Variants in NRF1 observed in about 807,000 individuals in gnomAD.
The protein encoded by NRF1 is alpha palindromic-binding protein.
In NRF1, 5 loss-of-function variants were observed where a neutral mutation model predicts 58.5. The observed-to-expected ratio is 0.09, with a 90% CI of 0.04 to 0.18. The LOEUF is 0.18. NRF1 is among the 10% of genes least tolerant of loss of function. The probability of loss-of-function intolerance (pLI) is 1.00; values close to 1 mark genes in which losing one functional copy is unlikely to be tolerated. For missense variants in NRF1, 288 were observed against 657.7 expected, an observed-to-expected ratio of 0.44 and a Z score of 6.15; for synonymous variants, 224 against 246.7, an observed-to-expected ratio of 0.91 and a Z score of 0.86.
intron 1 of NRF1, among the ~76,000 whole-genome samples, chr7:129,630,753 T>C (rs1801029974): frequency 6.6e-6 from 1 of 152,194 alleles, no homozygotes; most frequent in African/African-American, 2.4e-5. Flanking sequence ...ATTGTCAGAT[T>C]ATTTTGTCCT....
chr7:129,650,908 A>C (rs1801519227), intron 1 of NRF1, among the ~76,000 whole-genome samples: 1 of 152,188 alleles, frequency 6.6e-6, no homozygotes, highest in African/African-American at 2.4e-5. Context: ...CTCCTCATGG[A>C]GGAAAGCTAA....
chr7:129,644,298 A>G (rs11767333), intron 1 of NRF1, among the ~76,000 whole-genome samples: 1 of 152,236 alleles, frequency 6.6e-6, no homozygotes, highest in Non-Finnish European at 1.5e-5. Context: ...TATAATGAGT[A>G]AAAAGACAGC....
At chr7:129,704,270 C>A (rs1802900362) in intron 5 of NRF1, among the ~76,000 whole-genome samples, 1 of 152,030 alleles carries the variant, frequency 6.6e-6, no homozygotes, top group African/African-American at 2.4e-5. Flanking sequence ...TCATCCTCAA[C>A]CTTGTTTCAG....
intron 3 of NRF1, among the ~76,000 whole-genome samples, chr7:129,677,405 A>G (rs1802207397): frequency 6.6e-6 from 1 of 152,176 alleles, no homozygotes. Context: ...TGTCATGGCT[A>G]TGTCCCAAAG....
intron 1 of NRF1, among the ~76,000 whole-genome samples, chr7:129,612,980 A>G (rs1458085009): frequency 6.6e-6 from 1 of 152,262 alleles, no homozygotes; most frequent in Non-Finnish European, 1.5e-5. Context: ...GCATTAGATT[A>G]GAATATATTA....
chr7:129,680,786 G>C lies in NRF1; in HGVS notation c.465+3028G>C, dbSNP rs531839131. ...AGAGAGAGTGGATTAGTGGTTGCCA[G>C]AGACTGGGGAAGGGGAAGAGAGTGA... is the stretch of plus-strand genomic sequence containing the variant. On this transcript the variant is annotated intron_variant, in intron 4 of 10. Coordinates refer to ENST00000393232, the MANE Select transcript of NRF1 (RefSeq NM_005011.5). 1.8e-4 allele frequency among the ~76,000 whole-genome samples: 28 copies of C among 152,356 alleles called. 1 individual carries two copies. In the South Asian group the frequency reaches 5.8e-3, roughly 32 times the overall value.
intron 1 of NRF1, among the ~76,000 whole-genome samples, chr7:129,614,699 G>A (rs1800625768): frequency 6.6e-6 from 1 of 152,098 alleles, no homozygotes; most frequent in Admixed American, 6.5e-5. Flanking sequence ...GAGGGCCCTT[G>A]TCCAGATATA....
chr7:129,717,725 C>G (rs568739212), intron 9 of NRF1, among the ~76,000 whole-genome samples: 1 of 152,300 alleles, frequency 6.6e-6, no homozygotes, highest in East Asian at 1.9e-4. Flanking sequence ...CCACCCAGCC[C>G]CAACAACCAG....
At chr7:129,622,027 C>T (rs932437279) in intron 1 of NRF1, among the ~76,000 whole-genome samples, 4 of 151,904 alleles carry the variant, frequency 2.6e-5, no homozygotes, top group South Asian at 2.1e-4. Context: ...GTAATCTGCC[C>T]GCCTCGGCCT....
At chr7:129,691,364 A>ATTATTTT (rs368047646) in intron 5 of NRF1, among the ~76,000 whole-genome samples, 3 of 134,172 alleles carry the variant, frequency 2.2e-5, no homozygotes, top group African/African-American at 8.3e-5. Flanking sequence ...TATTATTATT[A>ATTATTTT]TTTTTTTTTT....
intron 2 of NRF1, among the ~76,000 whole-genome samples, chr7:129,661,455 A>G (rs1039318380): frequency 6.6e-6 from 1 of 151,044 alleles, no homozygotes; most frequent in African/African-American, 2.5e-5. Flanking sequence ...ACAGCACCCA[A>G]GTCACCTCTT....
Position 129,727,251 on chromosome 7 carries a change from G to A in NRF1, c.1234G>A (p.Ala412Thr), listed in dbSNP as rs757295871. 1.3e-6 allele frequency: 2 copies of A among 1,595,194 alleles called. No homozygotes were observed. The highest frequency in any genetic ancestry group is 1.1e-5 in the South Asian group (1 of 88,000). ...VTMALNSEAA[A>T]HAVATLAEAT... ...TTCCTGTGCCCGCAGCGAAGCTGCC[G>A]CCCATGCTGTCGCCACCCTGGCTGA... Residue 412 changes from alanine (A) to threonine (T), a missense_variant, in exon 10 of 11, where the codon GCC becomes ACC. Around this residue, in one of 3 missense-constraint regions of NRF1, gnomAD observed 212 missense variants for 559.7 expected, o/e 0.38. Coordinates refer to ENST00000393232, the MANE Select transcript of NRF1 (RefSeq NM_005011.5).
At chr7:129,721,143 G>T (rs1389169422) in intron 9 of NRF1, among the ~76,000 whole-genome samples, 1 of 152,146 alleles carries the variant, frequency 6.6e-6, no homozygotes, top group Admixed American at 6.5e-5. Context: ...CAGTTCTTTG[G>T]TTAAGCTGTC....
chr7:129,662,989 T>TTA (rs1361732799), intron 2 of NRF1, among the ~76,000 whole-genome samples: 1 of 152,184 alleles, frequency 6.6e-6, no homozygotes, highest in Non-Finnish European at 1.5e-5. Flanking sequence ...AAGCATCTGT[T>TTA]TAACAAAGCA....
At chr7:129,746,817 C>A (rs547320883) in intron 10 of NRF1, among the ~76,000 whole-genome samples, 2 of 152,266 alleles carry the variant, frequency 1.3e-5, no homozygotes, top group African/African-American at 4.8e-5. Flanking sequence ...TCTTTTCCAC[C>A]TACTGTCATG....
At chr7:129,738,918 C>T (rs1803784365) in intron 10 of NRF1, among the ~76,000 whole-genome samples, 1 of 152,168 alleles carries the variant, frequency 6.6e-6, no homozygotes, top group African/African-American at 2.4e-5. Context: ...GCTTAGCCTA[C>T]CTAGGAAGTA....
intron 1 of NRF1, among the ~76,000 whole-genome samples, 154 bp downstream of exon 1, chr7:129,611,978 C>CG (rs1313243563): frequency 1.3e-5 from 2 of 148,576 alleles, no homozygotes; most frequent in East Asian, 2.0e-4. Flanking sequence ...CCGCCTCGGG[C>CG]GGGGGGCCCC....
chr7:129,749,070 G>A (rs1804050744), intron 10 of NRF1, among the ~76,000 whole-genome samples: 1 of 152,220 alleles, frequency 6.6e-6, no homozygotes, highest in Non-Finnish European at 1.5e-5. Context: ...CCCTTGTTTT[G>A]CAGCGTGCAA....
At chr7:129,632,327 C>G (rs557125711) in intron 1 of NRF1, among the ~76,000 whole-genome samples, 1 of 152,190 alleles carries the variant, frequency 6.6e-6, no homozygotes, top group Admixed American at 6.5e-5. Context: ...TTACTCAGTA[C>G]TATAACCCCA....
Sources: gnomAD v4.1 joint callset for allele counts (sites outside exome capture counted in the v4.1 genomes callset) on GRCh38, gnomAD v4.1.1 for gene constraint, gnomAD v4.1.1 regional missense constraint, MANE v1.5 for transcripts, NCBI Gene and HGNC (gene_info 2026-07-23, HGNC 2026-07-21) for gene names.